DICER1: variants seen among roughly 807,000 people sequenced by gnomAD.
The protein encoded by DICER1 is dicer 1, ribonuclease III.
DICER1 carries 43 observed loss-of-function variants against 194.1 expected under a neutral mutation model. The ratio of observed to expected loss-of-function variants is 0.22; its 90% CI spans 0.17 to 0.29. The LOEUF (loss-of-function observed/expected upper bound fraction) is 0.29. DICER1 is among the 10% of genes least tolerant of loss of function. The pLI, the probability that DICER1 is intolerant of heterozygous loss-of-function variation, is 1.00. For missense variants in DICER1, 1,608 were observed against 2,317.0 expected, an observed-to-expected ratio of 0.69 and a Z score of 6.28; for synonymous variants, 832 against 820.5, an observed-to-expected ratio of 1.01 and a Z score of -0.24.
intron 1 of DICER1, among the ~76,000 whole-genome samples, chr14:95,150,513 TG>T (rs1292495004): frequency 1.3e-5 from 2 of 152,160 alleles, no homozygotes; most frequent in African/African-American, 2.4e-5. Flanking sequence ...AATCGTATTT[TG>T]TTAGGTTTAA....
chr14:95,133,606 T>G (rs1894145240), intron 1 of DICER1, 103 bp from the exon 2 acceptor site: 1 of 869,060 alleles, frequency 1.2e-6, no homozygotes, highest in Non-Finnish European at 1.8e-6. Context: ...TATGAGCCAT[T>G]CAAACTCTTC....
upstream of DICER1, chr14:95,157,868 C>T (rs1359257988): frequency 1.3e-5 from 2 of 152,268 alleles, no homozygotes; most frequent in African/African-American, 2.4e-5. Context: ...CGTAACGTGG[C>T]CGTAATTGTT....
chr14:95,092,123 A>G lies in DICER1; in HGVS notation c.5365-758T>C, dbSNP rs185867893. Among the ~76,000 whole-genome samples the G allele has an allele frequency of 7.2e-4, 110 of 152,328 alleles. 1 individual carries two copies. Among genetic ancestry groups the G allele is most frequent in the Non-Finnish European group, 9.7e-4 (66 of 68,024 alleles). On this transcript the variant is annotated intron_variant, in intron 24 of 26. Transcript: ENST00000343455. ...TACTCGGCCATAAAGAAGCGTTTAA[A>G]TCAATCAGCCACGTGTTGACTAGCG...
chr14:95,106,095 A>C lies in DICER1; in HGVS notation c.2933T>G (p.Leu978Arg). Residue 978 changes from leucine to arginine, a missense_variant, in exon 18 of 27, where the codon CTT (leucine) becomes CGT (arginine). Physicochemically the swap from Leu to Arg is moderately radical, Grantham distance 102 (BLOSUM62 -2). Coordinates refer to ENST00000343455, the MANE Select transcript of DICER1 (RefSeq NM_177438.3). ...TGGCTGGTTGAGATTGGTTAGGTCA[A>C]GGTTGTACTTTGTTTTATAATATTC... ...FAEYYKTKYNLDLTNLNQPLL... is the reference protein window; with the variant it reads ...FAEYYKTKYNRDLTNLNQPLL... 6.2e-7 allele frequency: 1 copy of C among 1,614,236 alleles called. No individual in the cohort carries two copies. The highest frequency in any genetic ancestry group is 2.2e-5 in the East Asian group (1 of 44,890).
At chr14:95,108,603 T>A (rs1891675984) in intron 14 of DICER1, 100 bp from the exon 15 acceptor site, 2 of 1,102,544 alleles carry the variant, frequency 1.8e-6, no homozygotes, top group African/African-American at 3.1e-5. Context: ...TACTAAAAGC[T>A]GATGAGAATA....
chr14:95,111,410 T>A lies in DICER1; in HGVS notation c.2163A>T (p.Lys721Asn). The A allele has an allele frequency of 6.2e-7, 1 of 1,614,180 alleles. No homozygotes were observed. Among genetic ancestry groups the A allele is most frequent in the African/African-American group, 1.3e-5 (1 of 75,064 alleles). The stretch of plus-strand genomic sequence containing the variant: ...CATGCAAATCAAGCTCCTCTTCATA[T>A]TTAACAGTCTCTTTCCCAACTGGCA... ...HLMPVGKETV[K>N]YEEELDLHDE... Residue 721 changes from lysine to asparagine, a missense_variant, in exon 14 of 27, where the codon AAA (lysine) becomes AAT (asparagine). Transcript: ENST00000343455.
chr14:95,096,744 A>G (rs1179453634), intron 22 of DICER1, 31 bp from the exon 23 acceptor site: 5 of 1,568,818 alleles, frequency 3.2e-6, no homozygotes, highest in Non-Finnish European at 4.3e-6. Flanking sequence ...GAAGGAGGGG[A>G]AACATAGCTG....
chr14:95,092,285 C>T (rs1889915431), intron 24 of DICER1, among the ~76,000 whole-genome samples: 1 of 152,134 alleles, frequency 6.6e-6, no homozygotes, highest in South Asian at 2.1e-4. Context: ...TATATCTATA[C>T]ACATCCACAA....
intron 1 of DICER1, chr14:95,138,028 A>G (rs1894536666): frequency 6.5e-6 from 1 of 154,664 alleles, no homozygotes; most frequent in Admixed American, 6.5e-5. Flanking sequence ...TATCTGGAAA[A>G]TAAGCCCTAG....
Position 95,096,216 on chromosome 14 carries a change from G to A in DICER1, c.4704C>T (p.Gly1568=), listed in dbSNP as rs2139845169. 1 of 1,614,200 alleles carries A rather than the reference G, an allele frequency of 6.2e-7. No homozygotes were observed. Among genetic ancestry groups the A allele is most frequent in the Non-Finnish European group, 8.5e-7 (1 of 1,180,032 alleles). The change falls in exon 23 of 27, where the codon GGC becomes GGT. Residue 1568 remains glycine (G), a synonymous_variant. Coordinates refer to ENST00000343455, the MANE Select transcript of DICER1 (RefSeq NM_177438.3). ...TCTCCCCACAGCTGGTTAAATAGCA[G>A]CCCAGCAGGGCTTCCACACAGTCCG... ...SIADCVEALL[G]CYLTSCGERA... is the part of the protein sequence containing the mutation.
intron 2 of DICER1, among the ~76,000 whole-genome samples, chr14:95,133,057 C>T (rs1325073902): frequency 1.3e-5 from 2 of 151,950 alleles, no homozygotes; most frequent in African/African-American, 4.8e-5. Context: ...ACAGACACAT[C>T]CAAGTGAATA....
intron 1 of DICER1, among the ~76,000 whole-genome samples, chr14:95,144,320 TC>T (rs1337290167): frequency 1.3e-5 from 2 of 152,070 alleles, no homozygotes; most frequent in African/African-American, 4.8e-5. Context: ...CTTTTTTTTT[TC>T]CTTTGTACCT....
chr14:95,122,658 T>C (rs1206586963), intron 8 of DICER1, among the ~76,000 whole-genome samples: 3 of 152,332 alleles, frequency 2.0e-5, no homozygotes, highest in Non-Finnish European at 4.4e-5. Context: ...TCACTCTCTC[T>C]CCTGAGGCTC....
intron 21 of DICER1, among the ~76,000 whole-genome samples, chr14:95,101,576 C>G (rs1890881039): frequency 6.6e-6 from 1 of 152,150 alleles, no homozygotes; most frequent in Non-Finnish European, 1.5e-5. Flanking sequence ...TCTAAAATCT[C>G]AACTCTAACA....
chr14:95,094,296 C>T (rs187628531), intron 23 of DICER1, 140 bp from the exon 24 acceptor site: 49 of 1,091,902 alleles, frequency 4.5e-5, no homozygotes, highest in African/African-American at 3.9e-4. Context: ...GGATATCTGA[C>T]ATATCATACT....
chr14:95,155,271 A>T (rs1895774447), intron 1 of DICER1, among the ~76,000 whole-genome samples: 1 of 152,212 alleles, frequency 6.6e-6, no homozygotes, highest in Non-Finnish European at 1.5e-5. Flanking sequence ...CTTTGCCATG[A>T]GCAAGTGGAA....
chr14:95,127,685 C>G (rs1229062024), intron 6 of DICER1, among the ~76,000 whole-genome samples: 2 of 152,208 alleles, frequency 1.3e-5, no homozygotes, highest in Non-Finnish European at 2.9e-5. Context: ...GATTTTGGAG[C>G]ATTTTGAATT....
At chr14:95,122,799 G>C (rs1191018490) in intron 8 of DICER1, among the ~76,000 whole-genome samples, 1 of 152,126 alleles carries the variant, frequency 6.6e-6, no homozygotes, top group Non-Finnish European at 1.5e-5. Context: ...AGAAGGATCA[G>C]GCTCAATGAC....
At chr14:95,133,001 GC>G (rs771312283) in intron 2 of DICER1, among the ~76,000 whole-genome samples, 1 of 152,112 alleles carries the variant, frequency 6.6e-6, no homozygotes, top group Non-Finnish European at 1.5e-5. Context: ...CCAGTTCATG[GC>G]TGAACATTTT....
Sources: gnomAD v4.1 joint callset for allele counts (sites outside exome capture counted in the v4.1 genomes callset) on GRCh38, gnomAD v4.1.1 for gene constraint, MANE v1.5 for transcripts, NCBI Gene and HGNC (gene_info 2026-07-23, HGNC 2026-07-21) for gene names.